The following DESI1 variants were observed in gnomAD, a reference collection of about 807,000 sequenced individuals.
DESI1 encodes PPPDE peptidase domain containing 2.
A neutral mutation model predicts 22.4 loss-of-function variants in DESI1; 17 were observed. The observed-to-expected ratio is 0.76, with a 90% CI of 0.52 to 1.14. DESI1 has a LOEUF of 1.14. Ranked by LOEUF, DESI1 falls within the 50% of genes most tolerant of loss-of-function variation. The pLI is 0.00. For synonymous variants in DESI1, 92 were observed against 84.2 expected, an observed-to-expected ratio of 1.09 and a Z score of -0.51; for missense variants, 177 against 208.9, an observed-to-expected ratio of 0.85 and a Z score of 0.94.
chr22:41,607,586 G>A (rs1365861618), intron 2 of DESI1, among the ~76,000 whole-genome samples: 3 of 152,204 alleles, frequency 2.0e-5, no homozygotes, highest in African/African-American at 7.2e-5. Context: ...CTGTTGAGCA[G>A]CGTCCCTGCC....
At chr22:41,605,585 A>C (rs543746822) in intron 3 of DESI1, among the ~76,000 whole-genome samples, 1 of 152,324 alleles carries the variant, frequency 6.6e-6, no homozygotes, top group African/African-American at 2.4e-5. Context: ...GTTGTAAGAA[A>C]CTAAAAGGTC....
At chr22:41,618,933 G>A (rs1019045010) in intron 1 of DESI1, among the ~76,000 whole-genome samples, 1 of 151,974 alleles carries the variant, frequency 6.6e-6, no homozygotes, top group Admixed American at 6.6e-5. Context: ...CTGTGGTGGC[G>A]GGCGCCTGTA....
chr22:41,616,727 T>G (rs772646467), intron 1 of DESI1, among the ~76,000 whole-genome samples: 7 of 152,226 alleles, frequency 4.6e-5, no homozygotes, highest in Non-Finnish European at 1.0e-4. Context: ...ATTAGAATGC[T>G]GAAGATAATT....
intron 1 of DESI1, among the ~76,000 whole-genome samples, chr22:41,611,833 C>T (rs1432562643): frequency 2.0e-5 from 3 of 151,996 alleles, no homozygotes; most frequent in African/African-American, 4.8e-5. Context: ...CCTCGTGATC[C>T]GCCCGCCTCG....
intron 3 of DESI1, 88 bp downstream of exon 3, chr22:41,607,174 G>C: frequency 7.8e-7 from 1 of 1,279,858 alleles, no homozygotes; most frequent in Non-Finnish European, 1.0e-6. Context: ...AACAATGCCA[G>C]AAGTCCATAG....
chr22:41,604,456 A>G (rs1659936251), intron 3 of DESI1, among the ~76,000 whole-genome samples: 1 of 152,074 alleles, frequency 6.6e-6, no homozygotes, highest in Non-Finnish European at 1.5e-5. Context: ...CATGTTGGTC[A>G]GGCTGGTCTC....
chr22:41,602,514 C>T (rs1246985671), intron 5 of DESI1: 20 of 985,318 alleles, frequency 2.0e-5, no homozygotes, highest in Non-Finnish European at 2.2e-5. Flanking sequence ...GCTGGGCCTG[C>T]GAAACCTGCC....
chr22:41,606,525 G>C (rs1004356966), intron 3 of DESI1, among the ~76,000 whole-genome samples: 1 of 152,092 alleles, frequency 6.6e-6, no homozygotes, highest in African/African-American at 2.4e-5. Flanking sequence ...TGTAATCCCA[G>C]CACTTTGGGA....
At position 41,620,944 on chromosome 22, in the gene DESI1, CGAGCCCGGGCCCGG is replaced by C; in HGVS notation, c.-119_-106del. ...GCGAAGCGGAGGGAGAGGGGGGGAC[CGAGCCCGGGCCCGG>C]GCTGAGGGGTGGGGGAGAGGCCGCC... On this transcript the variant is annotated 5_prime_UTR_variant, in exon 1 of 6. Coordinates refer to ENST00000263256, the MANE Select transcript of DESI1 (RefSeq NM_015704.3). 1.6e-6 allele frequency: 2 copies of C among 1,279,822 alleles called. No homozygotes were observed. Among genetic ancestry groups the C allele is most frequent in the Non-Finnish European group, 2.2e-6 (2 of 922,990 alleles). 79.3% of individuals were successfully genotyped at this position (1,279,822 alleles called of 1,614,324 possible). A position where few individuals can be genotyped will look rare whatever the true frequency, so the allele number is the denominator to read the frequency against.
At position 41,600,253 on chromosome 22, in the gene DESI1, C is replaced by G. The variant is rs1479870303; in HGVS notation, c.*844G>C. On this transcript the variant is annotated 3_prime_UTR_variant, in exon 6 of 6. Transcript: ENST00000263256. ...CCATCCCTTGGTCCCCAGCTAAATA[C>G]TGCGTACTGGCCTGGATGGTGGTTA... 1 of 152,212 alleles carries G rather than the reference C, an allele frequency of 6.6e-6. No homozygotes were observed. Among genetic ancestry groups the G allele is most frequent in the Non-Finnish European group, 1.5e-5 (1 of 68,042 alleles). 9.4% of individuals were successfully genotyped at this position (152,212 alleles called of 1,614,324 possible).
intron 1 of DESI1, among the ~76,000 whole-genome samples, chr22:41,614,020 A>G (rs946019419): frequency 5.9e-5 from 9 of 151,922 alleles, no homozygotes; most frequent in African/African-American, 1.9e-4. Context: ...TAGAAAAAAG[A>G]TCCCCTTATT....
chr22:41,602,411 T>C (rs562144112), intron 5 of DESI1: 5 of 985,332 alleles, frequency 5.1e-6, no homozygotes, highest in Non-Finnish European at 6.0e-6. Context: ...GCTGGCGGAC[T>C]GGGGCTCCTC....
intron 1 of DESI1, among the ~76,000 whole-genome samples, chr22:41,619,322 A>C (rs1003990995): frequency 3.9e-5 from 6 of 152,180 alleles, no homozygotes; most frequent in Non-Finnish European, 8.8e-5. Context: ...GAATCCATAT[A>C]ATTAAAATTT....
intron 1 of DESI1, among the ~76,000 whole-genome samples, chr22:41,610,901 T>C (rs1457693203): frequency 6.7e-6 from 1 of 148,528 alleles, no homozygotes; most frequent in African/African-American, 2.5e-5. Flanking sequence ...CACAAGTGGA[T>C]AGAGGGATCC....
At chr22:41,607,060 T>C (rs1193002177) in intron 3 of DESI1, among the ~76,000 whole-genome samples, 1 of 151,984 alleles carries the variant, frequency 6.6e-6, no homozygotes, top group Non-Finnish European at 1.5e-5. Context: ...ATGCTCTCTG[T>C]GAGACAGAAG....
chr22:41,607,742 C>T lies in DESI1; in HGVS notation c.110+98G>A, dbSNP rs961471114. On this transcript the variant is annotated intron_variant, in intron 2 of 5. Coordinates refer to ENST00000263256, the MANE Select transcript of DESI1 (RefSeq NM_015704.3). ...GCTTGAAGATTTATAGCATGGAGAG[C>T]TAGGTTTCATGCTGGAAGCCACAGA... is the stretch of plus-strand genomic sequence containing the variant. 2.2e-6 allele frequency: 3 copies of T among 1,362,504 alleles called. No individual in the cohort carries two copies. In the East Asian group the frequency reaches 6.9e-5, roughly 31 times the overall value. The allele number at this position is 1,362,504 out of a possible 1,614,324, so 84.4% of individuals were successfully genotyped here. A position where few individuals can be genotyped will look rare whatever the true frequency, so the allele number is the denominator to read the frequency against.
chr22:41,610,298 G>C (rs1569068815), intron 1 of DESI1, among the ~76,000 whole-genome samples: 1 of 151,086 alleles, frequency 6.6e-6, no homozygotes, highest in Non-Finnish European at 1.5e-5. Flanking sequence ...AAAATCGTTT[G>C]AACCTGGGAG....
chr22:41,617,929 CTT>C (rs935263918), intron 1 of DESI1, among the ~76,000 whole-genome samples: 5 of 152,342 alleles, frequency 3.3e-5, no homozygotes, highest in Admixed American at 2.6e-4. Flanking sequence ...AGGCCAGACT[CTT>C]TCCTGTCTCA....
In DESI1 at chr22:41,620,764, G is replaced by A. The variant is rs777506534; in HGVS notation, c.76C>T (p.Pro26Ser). ...LSKGLARRLS[P>S]IMLGKQLEGI... is the part of the protein sequence containing the mutation. The stretch of plus-strand genomic sequence containing the variant: ...CCTTCCCCCTCACCCAGCATGATGG[G>A]GCTGAGCCGCCGGGCCAGGCCTTTG... Residue 26 changes from proline to serine, a missense_variant, in exon 1 of 6, where the codon CCC (proline) becomes TCC (serine). By Grantham distance (74) the Pro-to-Ser change is moderately conservative. Transcript: ENST00000263256. The A allele has an allele frequency of 8.1e-6, 13 of 1,611,070 alleles. No individual in the cohort carries two copies. Among genetic ancestry groups the A allele is most frequent in the Middle Eastern group, 1.6e-4 (1 of 6,076 alleles).
Sources: gnomAD v4.1 joint callset for allele counts (sites outside exome capture counted in the v4.1 genomes callset) on GRCh38, gnomAD v4.1.1 for gene constraint, MANE v1.5 for transcripts, NCBI Gene and HGNC (gene_info 2026-07-23, HGNC 2026-07-21) for gene names.